The following CARHSP1 variants were observed in gnomAD, a reference collection of about 807,000 sequenced individuals.
CARHSP1 encodes the protein calcium regulated heat stable protein 1, also known as calcium-regulated heat-stable protein 1.
Under a neutral mutation model 12.5 loss-of-function variants are expected in CARHSP1, and 14 were observed. The ratio of observed to expected loss-of-function variants is 1.12; its 90% CI spans 0.74 to 1.75. The LOEUF (loss-of-function observed/expected upper bound fraction) is 1.75, where lower values mean the gene tolerates loss of function less well. Among genes scored for constraint, CARHSP1 ranks in the 40% most tolerant of loss-of-function variants. The pLI is 0.00. For missense variants in CARHSP1, 343 were observed against 201.6 expected, an observed-to-expected ratio of 1.70 and a Z score of -4.25; for synonymous variants, 161 against 82.0, an observed-to-expected ratio of 1.96 and a Z score of -5.20.
At chr16:8,858,597 A>G in intron 2 of CARHSP1, 125 bp from the exon 3 acceptor site, 4 of 1,206,130 alleles carry the variant, frequency 3.3e-6, no homozygotes, top group Non-Finnish European at 4.6e-6. Flanking sequence ...ACAGTCACAC[A>G]GGCTGAGGAC....
chr16:8,855,005 A>ACACCCCC lies in CARHSP1; in HGVS notation c.*158_*159insGGGGGTG, dbSNP rs2061050406. 4 of 409,086 alleles carry ACACCCCC rather than the reference A, an allele frequency of 9.8e-6. No homozygotes were observed. The highest frequency in any genetic ancestry group is 1.3e-5 in the Non-Finnish European group (3 of 238,172). The allele number at this position is 409,086 out of a possible 1,614,324, so 25.3% of individuals were successfully genotyped here. A position where few individuals can be genotyped will look rare whatever the true frequency, so the allele number is the denominator to read the frequency against. Reference sequence around the variant, plus strand: ...GATGGCCGGGAACACCCCACACCCCACACCTGCCCCCCATACCCCTTCCTC... The same window carrying ACACCCCC: ...GATGGCCGGGAACACCCCACACCCCACACCCCCCACCTGCCCCCCATACCCCTTCCTC... On this transcript the variant is annotated 3_prime_UTR_variant, in exon 4 of 4. Transcript: ENST00000311052.
rs1342657306 is a variant in CARHSP1 at position 8,854,218 on chromosome 16, C to T, written c.*946G>A. The T allele has an allele frequency of 6.6e-6, 1 of 152,072 alleles. No homozygotes were observed. The highest frequency in any genetic ancestry group is 2.4e-5 in the African/African-American group (1 of 41,400). The allele number at this position is 152,072 out of a possible 1,614,324, so 9.4% of individuals were successfully genotyped here. On this transcript the variant is annotated 3_prime_UTR_variant, in exon 4 of 4. Coordinates refer to ENST00000311052, the MANE Select transcript of CARHSP1 (RefSeq NM_014316.4). Reference sequence around the variant, plus strand: ...TTAACACTAGTTTTAAAGAAAACCCCCTCTCCAAAGGTATGTTTCTCCTTC... The same window carrying T: ...TTAACACTAGTTTTAAAGAAAACCCTCTCTCCAAAGGTATGTTTCTCCTTC...
intron 1 of CARHSP1, among the ~76,000 whole-genome samples, chr16:8,861,158 A>ATTTTTTT (rs765114977): frequency 3.9e-5 from 2 of 51,268 alleles, no homozygotes; most frequent in African/African-American, 8.6e-5. Context: ...TCCATGCCTA[A>ATTTTTTT]TTTTTTTTTT....
At chr16:8,861,538 A>AG (rs2141114183) in intron 1 of CARHSP1, 1 of 1,143,358 alleles carries the variant, frequency 8.7e-7, no homozygotes, top group East Asian at 5.8e-5. Context: ...TCAGAGGAGA[A>AG]GGGATGCCCC....
intron 2 of CARHSP1, 28 bp downstream of exon 2, chr16:8,859,143 A>G: frequency 6.4e-7 from 1 of 1,555,830 alleles, no homozygotes; most frequent in Non-Finnish European, 8.7e-7. Context: ...CCATCTGAGA[A>G]CGCGTCCCCA....
At position 8,854,338 on chromosome 16, in the gene CARHSP1, T is replaced by G. The variant is rs983507902; in HGVS notation, c.*826A>C. 1 of 152,130 alleles carries G rather than the reference T, an allele frequency of 6.6e-6. No homozygotes were observed. The highest frequency in any genetic ancestry group is 1.5e-5 in the Non-Finnish European group (1 of 68,026). The allele number at this position is 152,130 out of a possible 1,614,324, so 9.4% of individuals were successfully genotyped here. On this transcript the variant is annotated 3_prime_UTR_variant, in exon 4 of 4. Coordinates refer to ENST00000311052, the MANE Select transcript of CARHSP1 (RefSeq NM_014316.4). Reference sequence around the variant, plus strand: ...GTTTTTAAACAAAGACTGTGTCCTCTCCACAAGCCCTTCCCACCACCACCA... The same window carrying G: ...GTTTTTAAACAAAGACTGTGTCCTCGCCACAAGCCCTTCCCACCACCACCA...
chr16:8,859,625 CCCGG>C (rs2061279880), intron 1 of CARHSP1, among the ~76,000 whole-genome samples: 1 of 152,058 alleles, frequency 6.6e-6, no homozygotes, highest in Non-Finnish European at 1.5e-5. Context: ...AGGCATGGAT[CCCGG>C]CACATTTGGG....
At chr16:8,866,722 TG>T (rs1263713012) in intron 1 of CARHSP1, among the ~76,000 whole-genome samples, 1 of 14,276 alleles carries the variant, frequency 7.0e-5, no homozygotes, top group Non-Finnish European at 1.4e-4. Flanking sequence ...CACGAAGGGA[TG>T]GGGGTTGGAG....
rs2061254747 is a variant in CARHSP1, at chr16:8,859,116, G to A, written c.158+55C>T. ...ATGGCCAGAGACACAGTGAATCTCTGGCCTCAGGCAAGAGATCCATCTGAG... is the reference window on the plus strand; with the variant it reads ...ATGGCCAGAGACACAGTGAATCTCTAGCCTCAGGCAAGAGATCCATCTGAG... On this transcript the variant is annotated intron_variant, in intron 2 of 3. Coordinates refer to ENST00000311052, the MANE Select transcript of CARHSP1 (RefSeq NM_014316.4). 15 of 1,479,468 alleles carry A rather than the reference G, an allele frequency of 1.0e-5. 1 individual carries two copies. The highest frequency in any genetic ancestry group is 1.4e-5 in the African/African-American group (1 of 71,412). The allele number at this position is 1,479,468 out of a possible 1,614,324, so 91.6% of individuals were successfully genotyped here.
In CARHSP1 at chr16:8,858,655, AGG is replaced by A. The variant is rs2061236273; in HGVS notation, c.159-185_159-184del. The A allele has an allele frequency of 1.1e-5, 8 of 714,750 alleles. No individual in the cohort carries two copies. The African/African-American group carries it at 1.3e-4, about 11-fold the overall frequency. 44.3% of individuals were successfully genotyped at this position (714,750 alleles called of 1,614,324 possible). On this transcript the variant is annotated intron_variant, in intron 2 of 3. Transcript: ENST00000311052. ...GCCGCTCACAAAGACGCTGGGGGAA[AGG>A]ACTCTTTGGATGACCCTGGCCAATT...
chr16:8,859,054 G>C (rs140564537), intron 2 of CARHSP1, 117 bp downstream of exon 2: 3 of 958,944 alleles, frequency 3.1e-6, no homozygotes, highest in Non-Finnish European at 1.5e-6. Flanking sequence ...CCAGCCCCAG[G>C]TCTGCCTATT....
At position 8,857,281 on chromosome 16, in the gene CARHSP1, T is replaced by G. The variant is rs1363464049; in HGVS notation, c.281+1069A>C. 1.9e-4 allele frequency among the ~76,000 whole-genome samples: 23 copies of G among 123,066 alleles called. 3 individuals are homozygous for G. The highest frequency in any genetic ancestry group is 2.6e-4 in the Non-Finnish European group (15 of 57,708). 80.7% of individuals were successfully genotyped at this position (123,066 alleles called of 152,430 possible). A position where few individuals can be genotyped will look rare whatever the true frequency, so the allele number is the denominator to read the frequency against. ...CAGATCTGTTTTTTTTTTTTTTTTT[T>G]TTTTTTTTTTTTTTTTTTGAGATGG... is the stretch of plus-strand genomic sequence containing the variant. On this transcript the variant is annotated intron_variant, in intron 3 of 3. Coordinates refer to ENST00000311052, the MANE Select transcript of CARHSP1 (RefSeq NM_014316.4).
chr16:8,862,776 G>A (rs117038397), intron 1 of CARHSP1, among the ~76,000 whole-genome samples: 7,191 of 152,236 alleles, frequency 0.047, 242 homozygotes, highest in Middle Eastern at 0.14. Flanking sequence ...GAAAGGCGGT[G>A]GAAAGGGTAG....
intron 3 of CARHSP1, 29 bp from the exon 4 acceptor site, chr16:8,855,355 G>A (rs746483785): frequency 6.7e-6 from 10 of 1,484,168 alleles, no homozygotes. Flanking sequence ...AGCAGTCAGG[G>A]CTCACACCGG....
intron 1 of CARHSP1, among the ~76,000 whole-genome samples, chr16:8,863,773 G>T (rs1392745992): frequency 6.6e-6 from 1 of 152,160 alleles, no homozygotes; most frequent in Non-Finnish European, 1.5e-5. Context: ...CAACTGGGGG[G>T]CGGGTAACCA....
At chr16:8,859,415 A>C in intron 1 of CARHSP1, 80 bp from the exon 2 acceptor site, 1 of 1,282,670 alleles carries the variant, frequency 7.8e-7, no homozygotes, top group Non-Finnish European at 1.1e-6. Flanking sequence ...CACGTCTGAC[A>C]GTCCAGTATC....
chr16:8,861,490 C>A (rs893543884), intron 1 of CARHSP1, among the ~76,000 whole-genome samples: 1 of 152,094 alleles, frequency 6.6e-6, no homozygotes, highest in African/African-American at 2.4e-5. Flanking sequence ...CCCCGAACCG[C>A]CTTCAAGCAT....
intron 3 of CARHSP1, among the ~76,000 whole-genome samples, chr16:8,857,285 T>TGTTTTTTG (rs1567181258): frequency 7.8e-6 from 1 of 127,746 alleles, no homozygotes; most frequent in African/African-American, 2.9e-5. Flanking sequence ...TTTTTTTTTT[T>TGTTTTTTG]TTTTTTTTTT....
At position 8,859,176 on chromosome 16, in the gene CARHSP1, G is replaced by A. The variant is rs765278703; in HGVS notation, c.153C>T (p.Phe51=). ...CCAGCCTGCTCCAGACTCACGCCGA[G>A]AAGGTCCTCGTCCGGCGAGTGGGCA... The part of the protein sequence containing the change: ...SPLPTRRTRT[F]SATVRASQGP... Residue 51 remains phenylalanine (F), a synonymous_variant, in exon 2 of 4, where the codon TTC becomes TTT. Transcript: ENST00000311052. 3 of 1,598,732 alleles carry A rather than the reference G, an allele frequency of 1.9e-6. No homozygotes were observed. Among genetic ancestry groups the A allele is most frequent in the Non-Finnish European group, 2.6e-6 (3 of 1,171,220 alleles).
Sources: gnomAD v4.1 joint callset for allele counts (sites outside exome capture counted in the v4.1 genomes callset) on GRCh38, gnomAD v4.1.1 for gene constraint, MANE v1.5 for transcripts, NCBI Gene and HGNC (gene_info 2026-07-23, HGNC 2026-07-21) for gene names.